The following SLC5A10 variants were observed in gnomAD, a reference collection of about 807,000 sequenced individuals.
SLC5A10 encodes sodium/mannose cotransporter SLC5A10.
SLC5A10 carries 55 observed loss-of-function variants against 68.9 expected under a neutral mutation model. That is an observed-to-expected ratio of 0.80 (90% CI 0.64 to 1.00). SLC5A10 has a LOEUF of 1.00. Among genes scored for constraint, SLC5A10 ranks in the 50% least tolerant of loss-of-function variants. The pLI is 0.00. For missense variants in SLC5A10, 732 were observed against 819.3 expected, an observed-to-expected ratio of 0.89 and a Z score of 1.30; for synonymous variants, 344 against 344.8, an observed-to-expected ratio of 1.00 and a Z score of 0.02.
chr17:18,971,343 A>G lies in SLC5A10; in HGVS notation c.846+125A>G, dbSNP rs1597834114. ...CTGGGGCCTCAGAAGGTGTGGCTCC[A>G]GGCTGGGACATGCTGCTAGGGGTCT... On this transcript the variant is annotated intron_variant, in intron 8 of 14. Transcript: ENST00000395645. The surrounding 1 kb of genome is among the most constrained non-coding windows in gnomAD (Gnocchi z 5.5). 1 of 1,602,694 alleles carries G rather than the reference A, an allele frequency of 6.2e-7. No individual in the cohort carries two copies. Among genetic ancestry groups the G allele is most frequent in the East Asian group, 2.2e-5 (1 of 44,538 alleles).
At chr17:18,969,194 C>T (rs754619596) in intron 6 of SLC5A10, 37 bp downstream of exon 6, 33 of 1,605,320 alleles carry the variant, frequency 2.1e-5, no homozygotes, top group South Asian at 1.9e-4. Context: ...ACCCAGGGGA[C>T]GTGTAAAGGG....
chr17:19,011,117 C>T (rs1235882283), intron 9 of SLC5A10, among the ~76,000 whole-genome samples: 1 of 152,148 alleles, frequency 6.6e-6, no homozygotes, highest in Non-Finnish European at 1.5e-5. Context: ...CAGTGTCTGC[C>T]CTTGGGGAGC....
At chr17:18,974,560 C>T (rs2042933454) in intron 8 of SLC5A10, among the ~76,000 whole-genome samples, 1 of 152,202 alleles carries the variant, frequency 6.6e-6, no homozygotes, top group Non-Finnish European at 1.5e-5. Context: ...AGGCCGGGTG[C>T]CCTCCCTTAG....
At chr17:19,014,164 G>T (rs1053553885) in intron 10 of SLC5A10, among the ~76,000 whole-genome samples, 1 of 152,170 alleles carries the variant, frequency 6.6e-6, no homozygotes, top group Non-Finnish European at 1.5e-5. Context: ...TAGGACAGAC[G>T]GGCAAGAGTT....
At chr17:18,987,946 T>C (rs540714315) in intron 9 of SLC5A10, among the ~76,000 whole-genome samples, 3 of 152,368 alleles carry the variant, frequency 2.0e-5, no homozygotes, top group South Asian at 2.1e-4. Flanking sequence ...AGATAACCGA[T>C]GTGGCATGGG....
Position 19,017,411 on chromosome 17 carries a change from G to A in SLC5A10, c.1242-2012G>A. The A allele has an allele frequency of 6.5e-7, 1 of 1,546,636 alleles. No individual in the cohort carries two copies. The highest frequency in any genetic ancestry group is 1.2e-5 in the South Asian group (1 of 83,924). ...GGATCTCTGGTAGGGTGAATGGCCT[G>A]ACAACAGTCTCTGTCAGGGAGAGGC... On this transcript the variant is annotated intron_variant, in intron 11 of 14. Coordinates refer to ENST00000395645, the MANE Select transcript of SLC5A10 (RefSeq NM_001042450.4). The surrounding 1 kb of genome is among the most constrained non-coding windows in gnomAD (Gnocchi z 5.6).
At chr17:18,990,252 C>CA (rs2043380402) in intron 9 of SLC5A10, among the ~76,000 whole-genome samples, 1 of 152,232 alleles carries the variant, frequency 6.6e-6, no homozygotes, top group Admixed American at 6.5e-5. Context: ...CTGCTTGGAG[C>CA]GGGGGTAGAT....
chr17:19,003,424 T>C lies in SLC5A10; in HGVS notation c.983-9986T>C, dbSNP rs1052691218. On this transcript the variant is annotated intron_variant, in intron 9 of 14. Coordinates refer to ENST00000395645, the MANE Select transcript of SLC5A10 (RefSeq NM_001042450.4). The surrounding 1 kb of genome is among the most constrained non-coding windows in gnomAD (Gnocchi z 4.5). The stretch of plus-strand genomic sequence containing the variant: ...AACAGCAGAGATCCCTAGAAGCCCA[T>C]GTTGGGCTCCCGTTTTGGGCTCTGA... 3 of 1,316,708 alleles carry C rather than the reference T, an allele frequency of 2.3e-6. No individual in the cohort carries two copies. In the African/African-American group the frequency reaches 4.6e-5, roughly 20 times the overall value. The allele number at this position is 1,316,708 out of a possible 1,614,324, so 81.6% of individuals were successfully genotyped here.
chr17:19,013,964 T>C (rs1236113358), intron 10 of SLC5A10, among the ~76,000 whole-genome samples: 1 of 152,112 alleles, frequency 6.6e-6, no homozygotes, highest in African/African-American at 2.4e-5. Flanking sequence ...GAGAAATGTT[T>C]TGGGGAAAAC....
At position 19,016,622 on chromosome 17, in the gene SLC5A10, G is replaced by A. The variant is rs185186797; in HGVS notation, c.1241+1423G>A. Among the ~76,000 whole-genome samples, 235 of 152,316 alleles carry A rather than the reference G, an allele frequency of 1.5e-3. 1 individual carries two copies. The highest frequency in any genetic ancestry group is 5.4e-3 in the African/African-American group (223 of 41,574). ...TGTTGGAAGGGCCCTGTTGGGACAC[G>A]CCAGAGGCGGGTGCGAGTGAGCTCA... On this transcript the variant is annotated intron_variant, in intron 11 of 14. Coordinates refer to ENST00000395645, the MANE Select transcript of SLC5A10 (RefSeq NM_001042450.4).
chr17:18,977,625 T>C, intron 9 of SLC5A10: 1 of 1,609,618 alleles, frequency 6.2e-7, no homozygotes, highest in South Asian at 1.1e-5. Context: ...TGCATCCTCT[T>C]CAACGCATCT....
At chr17:19,019,153 G>A (rs1167445648) in intron 11 of SLC5A10, 2 of 441,260 alleles carry the variant, frequency 4.5e-6, no homozygotes, top group Non-Finnish European at 8.0e-6. Context: ...GAGCTCCAAG[G>A]GCTGGCTCCG....
In SLC5A10 at chr17:18,971,861, C is replaced by T; in HGVS notation, c.846+643C>T. ...GCAGGCCCGGGTTCGCCTCCTGGCT[C>T]TGCCATTCACCAGGGAGTGGGCCTA... On this transcript the variant is annotated intron_variant, in intron 8 of 14. Transcript: ENST00000395645. This position sits in a 1 kb window ranked among gnomAD's most constrained non-coding sequence, Gnocchi z 5.5. 3 of 1,178,864 alleles carry T rather than the reference C, an allele frequency of 2.5e-6. No homozygotes were observed. Among genetic ancestry groups the T allele is most frequent in the Non-Finnish European group, 3.5e-6 (3 of 856,130 alleles). 73.0% of individuals were successfully genotyped at this position (1,178,864 alleles called of 1,614,324 possible).
At chr17:18,962,956 G>A (rs1056479319) in intron 5 of SLC5A10, among the ~76,000 whole-genome samples, 1 of 152,178 alleles carries the variant, frequency 6.6e-6, no homozygotes, top group Non-Finnish European at 1.5e-5. Flanking sequence ...GGTGGCTCAC[G>A]CCTATAATCC....
intron 5 of SLC5A10, among the ~76,000 whole-genome samples, chr17:18,961,378 G>C (rs1339125467): frequency 6.6e-6 from 1 of 152,192 alleles, no homozygotes; most frequent in Non-Finnish European, 1.5e-5. Context: ...TTCTGGCTGA[G>C]AGAGCTGACA....
intron 9 of SLC5A10, among the ~76,000 whole-genome samples, chr17:18,999,966 T>C (rs1407229230): frequency 6.6e-6 from 1 of 152,206 alleles, no homozygotes; most frequent in Non-Finnish European, 1.5e-5. Context: ...CAGCATCTGC[T>C]GGAGGAGCAA....
chr17:18,979,878 TA>T (rs1005192094), intron 9 of SLC5A10, among the ~76,000 whole-genome samples: 1 of 152,102 alleles, frequency 6.6e-6, no homozygotes, highest in Non-Finnish European at 1.5e-5. Flanking sequence ...GCCGTGAAGC[TA>T]CAGAGCGGGC....
At chr17:19,005,656 CT>C (rs930119024) in intron 9 of SLC5A10, among the ~76,000 whole-genome samples, 32 of 152,072 alleles carry the variant, frequency 2.1e-4, no homozygotes, top group Middle Eastern at 3.4e-3. Context: ...AACCCCCCCC[CT>C]CCAAGGCCTT....
chr17:18,951,087 G>A (rs575093291), upstream of SLC5A10, among the ~76,000 whole-genome samples: 12 of 152,356 alleles, frequency 7.9e-5, no homozygotes, highest in East Asian at 9.6e-4. Flanking sequence ...GCAGGCCAGC[G>A]TGTTCCTGGT....
Sources: allele counts gnomAD v4.1 joint callset (sites outside exome capture counted in the v4.1 genomes callset), GRCh38; gene constraint gnomAD v4.1.1; non-coding constraint Gnocchi (gnomAD v3.1); transcripts MANE v1.5; gene names NCBI Gene and HGNC (gene_info 2026-07-23, HGNC 2026-07-21).